ZNF423: variants seen among roughly 807,000 people sequenced by gnomAD.
The protein encoded by ZNF423 is zinc finger protein 423, also known as Ebf-associated zinc finger protein.
Under a neutral mutation model 95.8 loss-of-function variants are expected in ZNF423, and 12 were observed. The observed-to-expected ratio is 0.13, with a 90% CI of 0.08 to 0.20. The LOEUF (loss-of-function observed/expected upper bound fraction) is 0.20, where lower values mean the gene tolerates loss of function less well. Ranked by LOEUF, ZNF423 falls within the 10% of genes least tolerant of loss-of-function variation. The pLI is 1.00. For synonymous variants in ZNF423, 749 were observed against 711.9 expected, an observed-to-expected ratio of 1.05 and a Z score of -0.83; for missense variants, 1,316 against 1,737.1, an observed-to-expected ratio of 0.76 and a Z score of 4.31.
At chr16:49,688,799 A>G (rs1360627176) in intron 3 of ZNF423, among the ~76,000 whole-genome samples, 2 of 152,218 alleles carry the variant, frequency 1.3e-5, no homozygotes, top group African/African-American at 2.4e-5. Context: ...TGGGGAGCAG[A>G]AGACAGATTT....
At position 49,599,219 on chromosome 16, in the gene ZNF423, T is replaced by G. The variant is rs552439403; in HGVS notation, c.3601+26951A>C. ...GAAAAGACACAGACCCATCTAGGCT[T>G]GTGCAATGGCAAATTTCCATGTTCC... is the stretch of plus-strand genomic sequence containing the variant. On this transcript the variant is annotated intron_variant, in intron 5 of 7. Coordinates refer to ENST00000563137, the MANE Select transcript of ZNF423 (RefSeq NM_001379286.1). Among the ~76,000 whole-genome samples, 4 of 152,316 alleles carry G rather than the reference T, an allele frequency of 2.6e-5. No individual in the cohort carries two copies. The East Asian group carries it at 7.7e-4, about 29-fold the overall frequency.
intron 1 of ZNF423, among the ~76,000 whole-genome samples, chr16:49,850,218 C>G (rs1041936132): frequency 1.3e-5 from 2 of 152,150 alleles, no homozygotes; most frequent in Non-Finnish European, 2.9e-5. Flanking sequence ...CTCACTTCAC[C>G]CTGCCTCTCC....
intron 7 of ZNF423, among the ~76,000 whole-genome samples, chr16:49,520,467 A>G (rs7192776): frequency 0.61 from 93,140 of 152,092 alleles, 29,639 homozygotes; most frequent in African/African-American, 0.79. Flanking sequence ...CAAGCCTGTC[A>G]TGGTTCAGTT....
At chr16:49,805,781 G>A (rs1281029312) in intron 1 of ZNF423, among the ~76,000 whole-genome samples, 1 of 152,098 alleles carries the variant, frequency 6.6e-6, no homozygotes, top group Admixed American at 6.5e-5. Context: ...TATAAAATGG[G>A]GATTTAAAAA....
chr16:49,562,033 C>T (rs1053201297), intron 5 of ZNF423, among the ~76,000 whole-genome samples: 1 of 152,174 alleles, frequency 6.6e-6, no homozygotes, highest in African/African-American at 2.4e-5. Flanking sequence ...TGGCTTCTGT[C>T]TCCTGCAGAC....
At chr16:49,788,260 C>T (rs2034350758) in intron 2 of ZNF423, among the ~76,000 whole-genome samples, 1 of 152,198 alleles carries the variant, frequency 6.6e-6, no homozygotes, top group Non-Finnish European at 1.5e-5. Context: ...AGCATTAGCT[C>T]CTGCTGGAAA....
At chr16:49,666,111 C>T (rs1029971506) in intron 3 of ZNF423, among the ~76,000 whole-genome samples, 1 of 152,192 alleles carries the variant, frequency 6.6e-6, no homozygotes, top group East Asian at 1.9e-4. Flanking sequence ...GCTGGGGAGA[C>T]GGAATGCGGC....
intron 3 of ZNF423, among the ~76,000 whole-genome samples, chr16:49,677,292 A>AAGGGAAGG (rs1567284019): frequency 1.6e-4 from 13 of 81,048 alleles, no homozygotes; most frequent in Admixed American, 2.7e-4. Flanking sequence ...AGAAGAGAAG[A>AAGGGAAGG]GAAGAGAAGA....
intron 5 of ZNF423, among the ~76,000 whole-genome samples, chr16:49,621,127 G>A (rs1470941298): frequency 6.6e-6 from 1 of 152,166 alleles, no homozygotes; most frequent in Non-Finnish European, 1.5e-5. Flanking sequence ...CGGAGGGGGT[G>A]AAGGGGAGGT....
At chr16:49,802,509 G>T (rs1052101522) in intron 1 of ZNF423, among the ~76,000 whole-genome samples, 1 of 152,176 alleles carries the variant, frequency 6.6e-6, no homozygotes, top group African/African-American at 2.4e-5. Flanking sequence ...CCAACATCAA[G>T]CTACCAAACA....
At chr16:49,779,739 C>T (rs1474186272) in intron 2 of ZNF423, among the ~76,000 whole-genome samples, 1 of 152,192 alleles carries the variant, frequency 6.6e-6, no homozygotes, top group Non-Finnish European at 1.5e-5. Flanking sequence ...AGCAGGACAG[C>T]GGGATCCTTG....
chr16:49,567,896 T>A (rs1031666409), intron 5 of ZNF423, among the ~76,000 whole-genome samples: 40 of 152,218 alleles, frequency 2.6e-4, no homozygotes, highest in African/African-American at 9.6e-4. Flanking sequence ...AGAGCCGGCC[T>A]ATACTCCTCC....
At chr16:49,676,561 T>C (rs1166310340) in intron 3 of ZNF423, among the ~76,000 whole-genome samples, 2 of 151,198 alleles carry the variant, frequency 1.3e-5, no homozygotes, top group African/African-American at 2.4e-5. Flanking sequence ...ATGTCCAGTA[T>C]GCTCCAGGTC....
intron 1 of ZNF423, among the ~76,000 whole-genome samples, chr16:49,797,655 C>T (rs9930152): frequency 0.45 from 68,731 of 152,130 alleles, 15,660 homozygotes; most frequent in South Asian, 0.49. Flanking sequence ...TGGCACCAAG[C>T]TCAGACCATC....
chr16:49,637,516 C>T lies in ZNF423; in HGVS notation c.1660G>A (p.Ala554Thr). Reference sequence around the variant, plus strand: ...TGCACCACCGGAGACTCTAGTTTGGCACTGCCCACACTGCAGTGGGCCTGC... The same window carrying T: ...TGCACCACCGGAGACTCTAGTTTGGTACTGCCCACACTGCAGTGGGCCTGC... The part of the protein sequence containing the change: ...IQQAHCSVGS[A>T]KLESPVVQPT... Residue 554 changes from alanine to threonine, a missense_variant, in exon 4 of 8, where the codon GCC becomes ACC. Physicochemically the swap from Ala to Thr is moderately conservative, Grantham distance 58 (BLOSUM62 0). This residue lies in a region of ZNF423 where 399 missense variants were observed against 478.5 expected (regional missense o/e 0.83). Coordinates refer to ENST00000563137, the MANE Select transcript of ZNF423 (RefSeq NM_001379286.1). The surrounding 1 kb of genome is among the most constrained non-coding windows in gnomAD (Gnocchi z 5.6). 6.2e-7 allele frequency: 1 copy of T among 1,614,062 alleles called. No individual in the cohort carries two copies. Among genetic ancestry groups the T allele is most frequent in the Non-Finnish European group, 8.5e-7 (1 of 1,180,018 alleles).
intron 5 of ZNF423, among the ~76,000 whole-genome samples, chr16:49,557,834 G>A (rs757844285): frequency 5.3e-5 from 8 of 152,200 alleles, no homozygotes; most frequent in Non-Finnish European, 7.4e-5. Context: ...GAGCCCCCTT[G>A]GTTCCAGCCC....
intron 3 of ZNF423, among the ~76,000 whole-genome samples, chr16:49,715,484 G>C (rs1010337059): frequency 1.3e-5 from 2 of 152,242 alleles, no homozygotes; most frequent in Non-Finnish European, 2.9e-5. Flanking sequence ...GCTGGCACAA[G>C]TATCCCAGTG....
chr16:49,523,105 C>T (rs60825582), intron 7 of ZNF423, among the ~76,000 whole-genome samples: 7,544 of 152,200 alleles, frequency 0.05, 263 homozygotes, highest in African/African-American at 0.099. Flanking sequence ...AGGCCCCTGT[C>T]CCTTACCTGA....
At chr16:49,766,112 G>A (rs1049728989) in intron 2 of ZNF423, among the ~76,000 whole-genome samples, 2 of 152,168 alleles carry the variant, frequency 1.3e-5, no homozygotes, top group South Asian at 4.1e-4. Context: ...TTTCTAAAAA[G>A]AAAATTTTAA....
Sources: allele counts gnomAD v4.1 joint callset (sites outside exome capture counted in the v4.1 genomes callset), GRCh38; gene constraint gnomAD v4.1.1; regional missense constraint gnomAD v4.1.1; non-coding constraint Gnocchi (gnomAD v3.1); transcripts MANE v1.5; gene names NCBI Gene and HGNC (gene_info 2026-07-23, HGNC 2026-07-21).